Variants in ASB4 observed in about 807,000 individuals in gnomAD.
ASB4 encodes the protein ankyrin repeat and SOCS box protein 4.
In ASB4, 35 loss-of-function variants were observed where a neutral mutation model predicts 38.6. The observed-to-expected ratio is 0.91, with a 90% CI of 0.69 to 1.20. The LOEUF (loss-of-function observed/expected upper bound fraction) is 1.20, where lower values mean the gene tolerates loss of function less well. Among genes scored for constraint, ASB4 ranks in the 50% most tolerant of loss-of-function variants. The probability of loss-of-function intolerance (pLI) is 0.00; values close to 1 mark genes in which losing one functional copy is unlikely to be tolerated. For missense variants in ASB4, 557 were observed against 527.2 expected (o/e 1.06, Z -0.55); for synonymous variants, 195 against 201.3 (o/e 0.97, Z 0.26).
At chr7:95,526,375 A>AT (rs1790736562) in intron 2 of ASB4, among the ~76,000 whole-genome samples, 1 of 152,020 alleles carries the variant, frequency 6.6e-6, no homozygotes, top group Admixed American at 6.5e-5. Context: ...CAACTCTATA[A>AT]AACTTCGCTG....
intron 2 of ASB4, among the ~76,000 whole-genome samples, chr7:95,520,363 C>T (rs572615629): frequency 2.6e-5 from 4 of 152,206 alleles, no homozygotes; most frequent in Non-Finnish European, 4.4e-5. Flanking sequence ...ACTCTGTCTA[C>T]AAACTCAGGT....
At chr7:95,547,432 A>G in the ASB4 span, among the ~76,000 whole-genome samples, 1 of 152,208 alleles carries the variant, frequency 6.6e-6, no homozygotes, top group South Asian at 2.1e-4. Flanking sequence ...TCGTAACATA[A>G]TATTTTGGAG....
chr7:95,549,241 A>G, the ASB4 span, among the ~76,000 whole-genome samples: 2 of 151,824 alleles, frequency 1.3e-5, no homozygotes, highest in Non-Finnish European at 2.9e-5. Context: ...AGTGCCTGAA[A>G]TATTGGAAGA....
chr7:95,507,946 T>G lies in ASB4; in HGVS notation c.487+11889T>G, dbSNP rs76248585. On this transcript the variant is annotated intron_variant, in intron 2 of 4. Transcript: ENST00000325885. The stretch of plus-strand genomic sequence containing the variant: ...TGAGCGACGGATGCAGAAGTCAGAG[T>G]GGGGGGGATTGAGAACTAAAAAGGA... 2.0e-5 allele frequency among the ~76,000 whole-genome samples: 3 copies of G among 151,438 alleles called. No individual in the cohort carries two copies. In the East Asian group the frequency reaches 5.8e-4, roughly 29 times the overall value.
chr7:95,498,581 A>G (rs952580350), intron 2 of ASB4, among the ~76,000 whole-genome samples: 1 of 152,230 alleles, frequency 6.6e-6, no homozygotes, highest in Non-Finnish European at 1.5e-5. Flanking sequence ...CTTGATATAT[A>G]TTCCGAATAC....
intron 2 of ASB4, among the ~76,000 whole-genome samples, 175 bp from the exon 3 acceptor site, chr7:95,527,638 A>C (rs1033708388): frequency 4.6e-5 from 7 of 152,106 alleles, no homozygotes; most frequent in African/African-American, 1.7e-4. Flanking sequence ...CTTCAAGGGA[A>C]TGGCTTCCAC....
intron 2 of ASB4, among the ~76,000 whole-genome samples, chr7:95,510,882 A>T (rs1024264531): frequency 6.6e-6 from 1 of 151,918 alleles, no homozygotes; most frequent in Non-Finnish European, 1.5e-5. Context: ...GTACTTCTTT[A>T]TTTATTTTCT....
At chr7:95,513,263 T>TG (rs1158020493) in intron 2 of ASB4, among the ~76,000 whole-genome samples, 4 of 142,246 alleles carry the variant, frequency 2.8e-5, no homozygotes, top group Admixed American at 7.1e-5. Flanking sequence ...GTTTTTTTTT[T>TG]TTTTTTTTTT....
intron 2 of ASB4, among the ~76,000 whole-genome samples, chr7:95,519,113 A>G (rs1266880185): frequency 6.6e-6 from 1 of 152,226 alleles, no homozygotes; most frequent in Admixed American, 6.5e-5. Context: ...TTAAGATTTC[A>G]TTTGAGACAA....
rs374521090 is a variant in ASB4 at position 95,537,597 on chromosome 7, C to T, written c.1119C>T (p.Leu373=). The change falls in exon 5 of 5, where the codon CTC becomes CTT. Residue 373 remains leucine, a synonymous_variant. Coordinates refer to ENST00000325885, the MANE Select transcript of ASB4 (RefSeq NM_016116.3). ...AATACTGGGATTTTTACCACTCTCT[C>T]TTTACTGTGTGCTGTAACTCTCCAA... The part of the protein sequence containing the change: ...LEKYWDFYHS[L]FTVCCNSPRT... 9.3e-6 allele frequency: 15 copies of T among 1,609,592 alleles called. No individual in the cohort carries two copies. The African/African-American group carries it at 1.9e-4, about 20-fold the overall frequency.
chr7:95,531,821 C>T, intron 3 of ASB4, among the ~76,000 whole-genome samples: 1 of 152,200 alleles, frequency 6.6e-6, no homozygotes, highest in East Asian at 1.9e-4. Context: ...ATCTCCCCTG[C>T]TGGCTTTTCT....
At chr7:95,481,150 C>T (rs1790018506), upstream of ASB4, among the ~76,000 whole-genome samples, 5 of 152,070 alleles carry the variant, frequency 3.3e-5, no homozygotes, top group Admixed American at 3.3e-4. Context: ...AATTTTACCA[C>T]AAATAATACC....
chr7:95,535,062 ACACATG>A (rs1295786764), intron 3 of ASB4, among the ~76,000 whole-genome samples: 6 of 152,166 alleles, frequency 3.9e-5, no homozygotes, highest in East Asian at 1.9e-4. Context: ...TCACACACAC[ACACATG>A]CACATGCACA....
intron 2 of ASB4, among the ~76,000 whole-genome samples, chr7:95,523,337 G>A (rs1790688980): frequency 6.6e-6 from 1 of 152,154 alleles, no homozygotes; most frequent in South Asian, 2.1e-4. Flanking sequence ...GATAGCATAA[G>A]CTTATATCTT....
At chr7:95,550,393 A>ATTAT in the ASB4 span, among the ~76,000 whole-genome samples, 1 of 152,168 alleles carries the variant, frequency 6.6e-6, no homozygotes, top group Non-Finnish European at 1.5e-5. Context: ...GAAACTTATA[A>ATTAT]GAGAGTCTGA....
intron 3 of ASB4, among the ~76,000 whole-genome samples, chr7:95,532,205 C>T (rs560024224): frequency 1.3e-5 from 2 of 152,168 alleles, no homozygotes; most frequent in African/African-American, 2.4e-5. Context: ...TAAAGTGATT[C>T]GTTCTTGTGT....
intron 3 of ASB4, among the ~76,000 whole-genome samples, chr7:95,535,939 G>A (rs894989552): frequency 2.0e-5 from 3 of 152,190 alleles, no homozygotes; most frequent in African/African-American, 4.8e-5. Context: ...TTGATAAAAT[G>A]TTCTGTAGAG....
intron 2 of ASB4, among the ~76,000 whole-genome samples, chr7:95,524,225 G>A (rs909957295): frequency 2.6e-5 from 4 of 152,308 alleles, no homozygotes; most frequent in Non-Finnish European, 4.4e-5. Context: ...AGCCTGACAC[G>A]GGCAATGCCC....
chr7:95,507,839 G>A (rs955550473), intron 2 of ASB4, among the ~76,000 whole-genome samples: 9 of 152,186 alleles, frequency 5.9e-5, no homozygotes, highest in Middle Eastern at 3.4e-3. Flanking sequence ...TAAATACTAC[G>A]GAGAGATCCA....
Sources: gnomAD v4.1 joint callset for allele counts (sites outside exome capture counted in the v4.1 genomes callset) on GRCh38, gnomAD v4.1.1 for gene constraint, MANE v1.5 for transcripts, NCBI Gene and HGNC (gene_info 2026-07-23, HGNC 2026-07-21) for gene names.